PDE8A: variants seen among roughly 807,000 people sequenced by gnomAD.
PDE8A encodes the protein high affinity cAMP-specific and IBMX-insensitive 3',5'-cyclic phosphodiesterase 8A.
A neutral mutation model predicts 105.0 loss-of-function variants in PDE8A; 59 were observed. The ratio of observed to expected loss-of-function variants is 0.56; its 90% confidence interval spans 0.46 to 0.70. The LOEUF (loss-of-function observed/expected upper bound fraction) is 0.70, where lower values mean the gene tolerates loss of function less well. PDE8A is among the 30% of genes least tolerant of loss of function. PDE8A has a pLI of 0.00. For missense variants in PDE8A, 1,014 were observed against 1,045.9 expected (o/e 0.97, Z 0.42); for synonymous variants, 355 against 371.9 (o/e 0.95, Z 0.52).
chr15:85,057,613 C>G (rs772323992), intron 1 of PDE8A, among the ~76,000 whole-genome samples: 3 of 152,196 alleles, frequency 2.0e-5, no homozygotes, highest in Middle Eastern at 6.3e-3. Flanking sequence ...TCTTCCATGT[C>G]GCGCACGCTG....
At chr15:85,063,810 G>A (rs1425756182) in intron 1 of PDE8A, 2 of 152,548 alleles carry the variant, frequency 1.3e-5, no homozygotes, top group Non-Finnish European at 2.9e-5. Flanking sequence ...CTTTGATTTA[G>A]CATTACATTC....
At chr15:85,023,858 A>G (rs1228672359) in intron 1 of PDE8A, among the ~76,000 whole-genome samples, 1 of 152,138 alleles carries the variant, frequency 6.6e-6, no homozygotes, top group East Asian at 1.9e-4. Flanking sequence ...TTGAGCAGGA[A>G]TGAAGTATTG....
chr15:85,005,670 A>G (rs770256030), intron 1 of PDE8A, among the ~76,000 whole-genome samples: 4 of 152,214 alleles, frequency 2.6e-5, no homozygotes, highest in Non-Finnish European at 5.9e-5. Flanking sequence ...CAGACACCTT[A>G]TACACCTGTG....
intron 1 of PDE8A, among the ~76,000 whole-genome samples, chr15:84,982,614 C>A (rs1428690990): frequency 6.6e-6 from 1 of 152,214 alleles, no homozygotes; most frequent in African/African-American, 2.4e-5. Context: ...ACACATCCGA[C>A]TCCCGGAGCG....
At chr15:85,084,289 C>T (rs999939478) in intron 6 of PDE8A, among the ~76,000 whole-genome samples, 5 of 152,022 alleles carry the variant, frequency 3.3e-5, no homozygotes, top group African/African-American at 4.8e-5. Flanking sequence ...CAAAGGGGAT[C>T]GGAATGAGAG....
intron 1 of PDE8A, among the ~76,000 whole-genome samples, chr15:85,024,711 A>G (rs1046680976): frequency 6.6e-6 from 1 of 152,168 alleles, no homozygotes; most frequent in Non-Finnish European, 1.5e-5. Context: ...TTGCCCATGC[A>G]TTTCATTCCC....
At chr15:85,114,218 C>T (rs529394881) in intron 14 of PDE8A, among the ~76,000 whole-genome samples, 181 bp downstream of exon 14, 1 of 152,304 alleles carries the variant, frequency 6.6e-6, no homozygotes, top group East Asian at 1.9e-4. Flanking sequence ...CACCTGCTGC[C>T]TGCCTCCTAG....
rs2082093333 is a variant in PDE8A, at chr15:85,116,119, G to GGT, written c.1535+2_1535+3dup. The stretch of plus-strand genomic sequence containing the variant: ...GAACTGGAGGCTGCCACCCACAATA[G>GGT]GTGAGTTCATGCAGAGCTCAGCAGC... On this transcript the variant is annotated frameshift_variant and splice_region_variant. Coordinates refer to ENST00000394553, the MANE Select transcript of PDE8A (RefSeq NM_002605.3). LOFTEE classifies it high-confidence loss of function. 1 of 1,613,966 alleles carries GGT rather than the reference G, an allele frequency of 6.2e-7. No homozygotes were observed. Among genetic ancestry groups the GGT allele is most frequent in the Non-Finnish European group, 8.5e-7 (1 of 1,179,892 alleles).
chr15:85,092,331 T>G lies in PDE8A; in HGVS notation c.852+1150T>G, dbSNP rs188041148. On this transcript the variant is annotated intron_variant, in intron 8 of 21. Transcript: ENST00000394553. Reference sequence around the variant, plus strand: ...GTCAAGGATTTTTTTTGTTGTTGTTTTTTTTTGTTTTGTTTCGTTTTTTTA... The same window carrying G: ...GTCAAGGATTTTTTTTGTTGTTGTTGTTTTTTGTTTTGTTTCGTTTTTTTA... 2.7e-3 allele frequency among the ~76,000 whole-genome samples: 391 copies of G among 145,938 alleles called. 3 individuals carry two copies. The highest frequency in any genetic ancestry group is 8.5e-3 in the African/African-American group (304 of 35,586).
chr15:84,997,336 G>A (rs1378807862), intron 1 of PDE8A, among the ~76,000 whole-genome samples: 2 of 151,858 alleles, frequency 1.3e-5, no homozygotes, highest in African/African-American at 4.8e-5. Flanking sequence ...TGGGACTGCA[G>A]GTGTGCACCA....
At position 85,064,437 on chromosome 15, in the gene PDE8A, A is replaced by G. The variant is rs1200988682; in HGVS notation, c.243+11A>G. 3 of 1,584,716 alleles carry G rather than the reference A, an allele frequency of 1.9e-6. No individual in the cohort carries two copies. The South Asian group carries it at 3.3e-5, about 18-fold the overall frequency. On this transcript the variant is annotated intron_variant, in intron 2 of 21. Transcript: ENST00000394553. ...CAAGATCAACTTCAGGTAATAATGA[A>G]CGATGCTGTATTTTTCACATGCTGA...
At chr15:85,134,036 G>A (rs1205681318) in intron 20 of PDE8A, among the ~76,000 whole-genome samples, 1 of 152,216 alleles carries the variant, frequency 6.6e-6, no homozygotes, top group Non-Finnish European at 1.5e-5. Context: ...CAGGTGTGGA[G>A]TTCTCACTGG....
chr15:85,124,176 C>T (rs560773836), intron 19 of PDE8A, among the ~76,000 whole-genome samples: 14 of 152,190 alleles, frequency 9.2e-5, no homozygotes, highest in Non-Finnish European at 1.9e-4. Context: ...AACATTAACC[C>T]TCTCACCAGG....
At chr15:85,114,798 C>T (rs1016906887) in intron 14 of PDE8A, among the ~76,000 whole-genome samples, 1 of 152,176 alleles carries the variant, frequency 6.6e-6, no homozygotes, top group Non-Finnish European at 1.5e-5. Flanking sequence ...GAGACAGGGT[C>T]TCCTCCAGAC....
chr15:85,020,474 C>T (rs1274062501), intron 1 of PDE8A, among the ~76,000 whole-genome samples: 2 of 152,126 alleles, frequency 1.3e-5, no homozygotes, highest in Admixed American at 6.5e-5. Flanking sequence ...CATGGTGGCG[C>T]GTGCCTGTAA....
At chr15:85,039,124 GAAAAA>G in intron 1 of PDE8A, among the ~76,000 whole-genome samples, 1 of 143,544 alleles carries the variant, frequency 7.0e-6, no homozygotes, top group African/African-American at 2.6e-5. Context: ...TCCATCTCAA[GAAAAA>G]AAAAAAAAAG....
intron 8 of PDE8A, among the ~76,000 whole-genome samples, chr15:85,095,877 T>TTTAATATATATATATATATATATATA (rs1567281626): frequency 2.0e-5 from 3 of 148,720 alleles, no homozygotes; most frequent in African/African-American, 7.4e-5. Context: ...TATATATATT[T>TTTAATATATATATATATATATATATA]TTTTTATATA....
chr15:85,029,409 C>T (rs1007074668), intron 1 of PDE8A, among the ~76,000 whole-genome samples: 1 of 113,288 alleles, frequency 8.8e-6, no homozygotes, highest in South Asian at 2.9e-4. Context: ...GTTTTGTCCT[C>T]ACGGGTCTTT....
At chr15:85,021,225 C>T (rs1418099070) in intron 1 of PDE8A, among the ~76,000 whole-genome samples, 1 of 152,148 alleles carries the variant, frequency 6.6e-6, no homozygotes, top group Non-Finnish European at 1.5e-5. Context: ...CCCTCCAGAA[C>T]TGTGAGAAAT....
Sources: allele counts gnomAD v4.1 joint callset (sites outside exome capture counted in the v4.1 genomes callset), GRCh38; gene constraint gnomAD v4.1.1; transcripts MANE v1.5; gene names NCBI Gene and HGNC (gene_info 2026-07-23, HGNC 2026-07-21).